MDGA2: variants seen among roughly 807,000 people sequenced by gnomAD.
MDGA2 encodes MAM domain containing glycosylphosphatidylinositol anchor 2.
A neutral mutation model predicts 117.8 loss-of-function variants in MDGA2; 40 were observed. That is an observed-to-expected ratio of 0.34 (90% CI 0.26 to 0.44). The LOEUF is 0.44. Ranked by LOEUF, MDGA2 falls within the 20% of genes least tolerant of loss-of-function variation. The probability of loss-of-function intolerance (pLI) is 1.00; values close to 1 mark genes in which losing one functional copy is unlikely to be tolerated. For missense variants in MDGA2, 1,123 were observed against 1,250.6 expected (o/e 0.90, Z 1.54); for synonymous variants, 452 against 439.0 (o/e 1.03, Z -0.37).
intron 3 of MDGA2, among the ~76,000 whole-genome samples, chr14:47,199,137 T>C (rs2139433864): frequency 6.6e-6 from 1 of 152,000 alleles, no homozygotes; most frequent in African/African-American, 2.4e-5. Context: ...ACTTGTCAGC[T>C]CCCACAATTG....
chr14:46,948,776 C>T (rs1005129745), intron 9 of MDGA2, among the ~76,000 whole-genome samples: 1 of 151,996 alleles, frequency 6.6e-6, no homozygotes, highest in African/African-American at 2.4e-5. Context: ...AAAAAGCTCA[C>T]CTAAAATGCA....
chr14:47,607,560 C>G (rs919463667), intron 1 of MDGA2, among the ~76,000 whole-genome samples: 1 of 152,064 alleles, frequency 6.6e-6, no homozygotes, highest in South Asian at 2.1e-4. Context: ...CACCAAAGAT[C>G]AATGGCAGCA....
At chr14:47,020,039 A>C (rs1257416373) in intron 8 of MDGA2, among the ~76,000 whole-genome samples, 1 of 152,146 alleles carries the variant, frequency 6.6e-6, no homozygotes, top group South Asian at 2.1e-4. Flanking sequence ...TTTTATAGAC[A>C]TATTGTGCAC....
At chr14:46,933,652 G>A (rs1432628296) in intron 9 of MDGA2, among the ~76,000 whole-genome samples, 2 of 150,884 alleles carry the variant, frequency 1.3e-5, no homozygotes, top group Non-Finnish European at 3.0e-5. Flanking sequence ...GAGGGAATTT[G>A]AAAATTAATT....
intron 2 of MDGA2, among the ~76,000 whole-genome samples, chr14:47,296,453 A>C (rs542430851): frequency 6.6e-6 from 1 of 152,358 alleles, no homozygotes; most frequent in African/African-American, 2.4e-5. Flanking sequence ...GTCTACAAGA[A>C]GATAAGCAGC....
intron 1 of MDGA2, among the ~76,000 whole-genome samples, chr14:47,335,255 T>A (rs1890405561): frequency 8.5e-6 from 1 of 117,232 alleles, no homozygotes; most frequent in Non-Finnish European, 1.7e-5. Context: ...TGGTGATCAG[T>A]ACTACACAGA....
At chr14:47,638,585 C>T (rs1371589900) in intron 1 of MDGA2, among the ~76,000 whole-genome samples, 5 of 152,158 alleles carry the variant, frequency 3.3e-5, no homozygotes, top group Non-Finnish European at 7.4e-5. Flanking sequence ...TAGTTCTGGT[C>T]GCCTCTTTTT....
At chr14:47,083,686 G>C (rs1340903069) in intron 6 of MDGA2, among the ~76,000 whole-genome samples, 1 of 151,932 alleles carries the variant, frequency 6.6e-6, no homozygotes, top group African/African-American at 2.4e-5. Flanking sequence ...TTATCTATAA[G>C]AAATTCATTT....
chr14:47,006,230 T>C (rs1887704072), intron 8 of MDGA2, among the ~76,000 whole-genome samples: 1 of 151,246 alleles, frequency 6.6e-6, no homozygotes, highest in African/African-American at 2.4e-5. Flanking sequence ...TCAGGTATCT[T>C]TCAGCTGTCA....
At chr14:47,180,019 TTTAACTTTTATTTTA>T (rs1884635361) in intron 3 of MDGA2, among the ~76,000 whole-genome samples, 2 of 70,912 alleles carry the variant, frequency 2.8e-5, no homozygotes, top group Admixed American at 1.6e-4. Flanking sequence ...TATTCTATTC[TTTAACTTTTATTTTA>T]AACTTTTATT....
At chr14:46,880,563 G>C (rs973312115) in intron 11 of MDGA2, among the ~76,000 whole-genome samples, 1 of 151,692 alleles carries the variant, frequency 6.6e-6, no homozygotes, top group Non-Finnish European at 1.5e-5. Context: ...AGCACTTTGG[G>C]AGGCCGAGGC....
intron 9 of MDGA2, among the ~76,000 whole-genome samples, chr14:46,925,429 C>T (rs1187573138): frequency 6.6e-6 from 1 of 151,832 alleles, no homozygotes; most frequent in Admixed American, 6.6e-5. Flanking sequence ...GTCAGGAGTT[C>T]AAGACCAGCC....
chr14:46,938,540 CAAAAA>C (rs71112472), intron 9 of MDGA2, among the ~76,000 whole-genome samples: 4 of 27,000 alleles, frequency 1.5e-4, no homozygotes, highest in Admixed American at 1.1e-3. Flanking sequence ...AAATCCATCT[CAAAAA>C]AAAAAAAAAA....
chr14:46,931,610 C>A (rs531812604), intron 9 of MDGA2, among the ~76,000 whole-genome samples: 7 of 149,784 alleles, frequency 4.7e-5, no homozygotes, highest in African/African-American at 1.5e-4. Flanking sequence ...GCAACCTCTG[C>A]CTCCTGGGTT....
In MDGA2 at chr14:47,109,286, G is replaced by T. The variant is rs556476068; in HGVS notation, c.926-12163C>A. On this transcript the variant is annotated intron_variant, in intron 5 of 16. Transcript: ENST00000399232. Reference sequence around the variant, plus strand: ...CTTCTACCTGGAATTCTCTTCCAGTGCTTGTCCACTCATTAAACCAGTCAT... The same window carrying T: ...CTTCTACCTGGAATTCTCTTCCAGTTCTTGTCCACTCATTAAACCAGTCAT... Among the ~76,000 whole-genome samples the T allele has an allele frequency of 5.9e-5, 9 of 152,288 alleles. No homozygotes were observed. In the South Asian group the frequency reaches 1.7e-3, roughly 28 times the overall value.
chr14:46,840,852 C>T lies in MDGA2; in HGVS notation c.*1079G>A, dbSNP rs1208592222. ...GAAGAAAAAAAGTGTTGCTCCATGT[C>T]TGGTCTCAATGGAAGTGATTTTCTA... On this transcript the variant is annotated 3_prime_UTR_variant, in exon 17 of 17. Coordinates refer to ENST00000399232, the MANE Select transcript of MDGA2 (RefSeq NM_001113498.3). 3 of 152,568 alleles carry T rather than the reference C, an allele frequency of 2.0e-5. No individual in the cohort carries two copies. Among genetic ancestry groups the T allele is most frequent in the Admixed American group, 1.3e-4 (2 of 15,262 alleles). The allele number at this position is 152,568 out of a possible 1,614,324, so 9.5% of individuals were successfully genotyped here.
intron 1 of MDGA2, among the ~76,000 whole-genome samples, chr14:47,302,298 T>C (rs1196100091): frequency 1.3e-5 from 2 of 152,186 alleles, no homozygotes; most frequent in African/African-American, 2.4e-5. Context: ...ACATGGAAAC[T>C]TTCTGTGAGT....
chr14:47,106,336 T>C lies in MDGA2; in HGVS notation c.926-9213A>G, dbSNP rs1880673524. Among the ~76,000 whole-genome samples, 3 of 151,952 alleles carry C rather than the reference T, an allele frequency of 2.0e-5. No individual in the cohort carries two copies. The South Asian group carries it at 6.3e-4, about 32-fold the overall frequency. On this transcript the variant is annotated intron_variant, in intron 5 of 16. Coordinates refer to ENST00000399232, the MANE Select transcript of MDGA2 (RefSeq NM_001113498.3). The stretch of plus-strand genomic sequence containing the variant: ...GTACCATAATAGAAAAAAGTTGCAA[T>C]TCCTTGCCTCCATTGTGAGACAAAC...
intron 3 of MDGA2, among the ~76,000 whole-genome samples, chr14:47,163,331 C>G (rs898070299): frequency 6.6e-6 from 1 of 152,108 alleles, no homozygotes; most frequent in Non-Finnish European, 1.5e-5. Context: ...GTGTCCCTAC[C>G]CAAATTTCAT....
Sources: allele counts gnomAD v4.1 joint callset (sites outside exome capture counted in the v4.1 genomes callset), GRCh38; gene constraint gnomAD v4.1.1; transcripts MANE v1.5; gene names NCBI Gene and HGNC (gene_info 2026-07-23, HGNC 2026-07-21).